TMEM64: variants seen among roughly 807,000 people sequenced by gnomAD.
TMEM64 encodes the protein transmembrane protein 64.
In TMEM64, 19 loss-of-function variants were observed where a neutral mutation model predicts 24.5. That is an observed-to-expected ratio of 0.78 (90% CI 0.54 to 1.14). The LOEUF (loss-of-function observed/expected upper bound fraction) is 1.14, where lower values mean the gene tolerates loss of function less well. Among genes scored for constraint, TMEM64 ranks in the 50% most tolerant of loss-of-function variants. TMEM64 has a pLI of 0.00. For synonymous variants in TMEM64, 262 were observed against 224.7 expected (o/e 1.17, Z -1.49); for missense variants, 487 against 493.0 (o/e 0.99, Z 0.12).
chr8:90,644,175 C>G (rs1410703506), intron 1 of TMEM64, among the ~76,000 whole-genome samples: 1 of 152,186 alleles, frequency 6.6e-6, no homozygotes, highest in Non-Finnish European at 1.5e-5. Flanking sequence ...TACATAAACT[C>G]TTGGTAGTTT....
Position 90,624,027 on chromosome 8 carries a change from A to T in TMEM64, c.*1644T>A, listed in dbSNP as rs1809318537. On this transcript the variant is annotated 3_prime_UTR_variant, in exon 3 of 3. Coordinates refer to ENST00000458549, the MANE Select transcript of TMEM64 (RefSeq NM_001008495.4). ...GTTTTCCTACTAATAGCAAGAAATG[A>T]GGATTTAGATGCCAATTATGTCCTG... The T allele has an allele frequency of 6.6e-6, 1 of 151,996 alleles. No individual in the cohort carries two copies. The highest frequency in any genetic ancestry group is 2.1e-4 in the South Asian group (1 of 4,828). 9.4% of individuals were successfully genotyped at this position (151,996 alleles called of 1,614,324 possible). A position where few individuals can be genotyped will look rare whatever the true frequency, so the allele number is the denominator to read the frequency against.
At chr8:90,629,414 C>T (rs1000565807) in intron 2 of TMEM64, among the ~76,000 whole-genome samples, 1 of 152,006 alleles carries the variant, frequency 6.6e-6, no homozygotes, top group South Asian at 2.1e-4. Context: ...AGTAAAAGTT[C>T]TCTCTAAGCT....
chr8:90,628,759 C>T (rs1344900665), intron 2 of TMEM64, among the ~76,000 whole-genome samples: 4 of 152,122 alleles, frequency 2.6e-5, no homozygotes, highest in East Asian at 1.9e-4. Context: ...GGCTCCAACC[C>T]GAAGTTTTTG....
At chr8:90,627,911 G>T (rs1809382061) in intron 2 of TMEM64, among the ~76,000 whole-genome samples, 1 of 152,134 alleles carries the variant, frequency 6.6e-6, no homozygotes, top group Non-Finnish European at 1.5e-5. Context: ...ATGAGAAATG[G>T]AAAGTACATC....
chr8:90,632,234 C>A (rs2130500235), intron 1 of TMEM64, among the ~76,000 whole-genome samples: 1 of 152,278 alleles, frequency 6.6e-6, no homozygotes, highest in Non-Finnish European at 1.5e-5. Context: ...GCAACCTCCA[C>A]CACCTGGGTT....
At position 90,636,735 on chromosome 8, in the gene TMEM64, A is replaced by C. The variant is rs114124045; in HGVS notation, c.796-5028T>G. Among the ~76,000 whole-genome samples the C allele has an allele frequency of 8.1e-3, 1,237 of 152,338 alleles. 25 individuals carry two copies. The highest frequency in any genetic ancestry group is 0.028 in the African/African-American group (1,181 of 41,558). ...TGTCTCCTTGTTCTACTTTGTAGAA[A>C]GACATTAAACATGAGCCTAGATCAA... On this transcript the variant is annotated intron_variant, in intron 1 of 2. Transcript: ENST00000458549.
chr8:90,637,873 T>G (rs1460814118), intron 1 of TMEM64, among the ~76,000 whole-genome samples: 1 of 152,186 alleles, frequency 6.6e-6, no homozygotes, highest in Non-Finnish European at 1.5e-5. Context: ...TAACTACCTA[T>G]TCTCTTTCCT....
chr8:90,631,013 T>C (rs373763587), intron 2 of TMEM64, among the ~76,000 whole-genome samples: 4 of 152,240 alleles, frequency 2.6e-5, no homozygotes, highest in African/African-American at 7.2e-5. Flanking sequence ...TAATCCATTA[T>C]ACAAGTCTTA....
At position 90,645,759 on chromosome 8, in the gene TMEM64, C is replaced by CCCGCGGGGAAGGCGGT; in HGVS notation, c.131_146dup (p.Gly50ProfsTer61). 1.9e-6 allele frequency: 2 copies of CCCGCGGGGAAGGCGGT among 1,062,648 alleles called. No homozygotes were observed. The highest frequency in any genetic ancestry group is 2.3e-6 in the Non-Finnish European group (2 of 882,374). The allele number at this position is 1,062,648 out of a possible 1,614,324, so 65.8% of individuals were successfully genotyped here. ...CTGCCGCCGCCGCGCTCGCCCCGCCCCCGCGGGGAAGGCGGTCCGCCGGGC... is the reference window on the plus strand; with the variant it reads ...CTGCCGCCGCCGCGCTCGCCCCGCCCCCGCGGGGAAGGCGGTCCGCGGGGAAGGCGGTCCGCCGGGC... On this transcript the variant is annotated frameshift_variant, in exon 1 of 3. Transcript: ENST00000458549. LOFTEE classifies it high-confidence loss of function. The surrounding 1 kb of genome is among the most constrained non-coding windows in gnomAD (Gnocchi z 4.2).
intron 2 of TMEM64, among the ~76,000 whole-genome samples, chr8:90,629,325 T>G (rs1241763435): frequency 6.6e-6 from 1 of 152,212 alleles, no homozygotes; most frequent in Non-Finnish European, 1.5e-5. Context: ...GAAGATTCTA[T>G]AGTTTAAAAA....
intron 1 of TMEM64, among the ~76,000 whole-genome samples, chr8:90,641,394 A>T (rs950316742): frequency 2.0e-5 from 3 of 152,232 alleles, no homozygotes; most frequent in Admixed American, 2.0e-4. Flanking sequence ...TAAAAATGGA[A>T]GAATCAATCT....
intron 2 of TMEM64, among the ~76,000 whole-genome samples, chr8:90,629,996 T>C (rs958013904): frequency 9.8e-5 from 15 of 152,306 alleles, no homozygotes; most frequent in African/African-American, 3.6e-4. Flanking sequence ...AAATTAAATT[T>C]GTAATACGGT....
rs993940129 is a variant in TMEM64, at chr8:90,624,323, A to G, written c.*1348T>C. The G allele has an allele frequency of 3.3e-5, 5 of 152,064 alleles. No individual in the cohort carries two copies. The highest frequency in any genetic ancestry group is 2.6e-4 in the Admixed American group (4 of 15,270). The allele number at this position is 152,064 out of a possible 1,614,324, so 9.4% of individuals were successfully genotyped here. Reference sequence around the variant, plus strand: ...TGAAAAGGCAAATGGGAGGTCTCTGATAAGTTGGAATCATCATAGCAAAAA... The same window carrying G: ...TGAAAAGGCAAATGGGAGGTCTCTGGTAAGTTGGAATCATCATAGCAAAAA... On this transcript the variant is annotated 3_prime_UTR_variant, in exon 3 of 3. Transcript: ENST00000458549.
chr8:90,626,781 C>G (rs1444630767), intron 2 of TMEM64, among the ~76,000 whole-genome samples: 2 of 152,008 alleles, frequency 1.3e-5, no homozygotes, highest in East Asian at 3.9e-4. Context: ...CATGCATGCG[C>G]CCCACGCCTG....
At chr8:90,640,441 C>T (rs533177015) in intron 1 of TMEM64, among the ~76,000 whole-genome samples, 1 of 152,256 alleles carries the variant, frequency 6.6e-6, no homozygotes, top group South Asian at 2.1e-4. Context: ...TAATGTTACA[C>T]TGTTGCTCAG....
chr8:90,624,141 T>G lies in TMEM64; in HGVS notation c.*1530A>C, dbSNP rs1809319889. 6.6e-6 allele frequency: 1 copy of G among 151,926 alleles called. No homozygotes were observed. Among genetic ancestry groups the G allele is most frequent in the Non-Finnish European group, 1.5e-5 (1 of 67,928 alleles). 9.4% of individuals were successfully genotyped at this position (151,926 alleles called of 1,614,324 possible). On this transcript the variant is annotated 3_prime_UTR_variant, in exon 3 of 3. Coordinates refer to ENST00000458549, the MANE Select transcript of TMEM64 (RefSeq NM_001008495.4). The stretch of plus-strand genomic sequence containing the variant: ...TACTGTTACTCAAAGGTGAGAAAAC[T>G]TACCCATTATAAAGGAAAGGAAAAC...
At chr8:90,642,154 T>C (rs1233493098) in intron 1 of TMEM64, among the ~76,000 whole-genome samples, 2 of 152,188 alleles carry the variant, frequency 1.3e-5, no homozygotes, top group Non-Finnish European at 2.9e-5. Flanking sequence ...CAAACAATAA[T>C]GACACTTAAC....
rs1809336263 is a variant in TMEM64, at chr8:90,625,089, G to A, written c.*582C>T. 6.6e-6 allele frequency: 1 copy of A among 152,542 alleles called. No individual in the cohort carries two copies. Among genetic ancestry groups the A allele is most frequent in the South Asian group, 2.1e-4 (1 of 4,822 alleles). 9.4% of individuals were successfully genotyped at this position (152,542 alleles called of 1,614,324 possible). ...TTAAGCTTTGTGAATAGGTGTAAAT[G>A]GCCCTGTAACAATATGATGCCTGCA... On this transcript the variant is annotated 3_prime_UTR_variant, in exon 3 of 3. Coordinates refer to ENST00000458549, the MANE Select transcript of TMEM64 (RefSeq NM_001008495.4).
In TMEM64 at chr8:90,623,415, G is replaced by A. The variant is rs1164098887; in HGVS notation, c.*2256C>T. The A allele has an allele frequency of 1.3e-5, 2 of 152,318 alleles. No individual in the cohort carries two copies. The highest frequency in any genetic ancestry group is 4.8e-5 in the African/African-American group (2 of 41,396). 9.4% of individuals were successfully genotyped at this position (152,318 alleles called of 1,614,324 possible). A position where few individuals can be genotyped will look rare whatever the true frequency, so the allele number is the denominator to read the frequency against. ...ATTGTGAGTGCAACTTAAAAACCCAGCAACCAAATTTACCCATCAAGTAGC... is the reference window on the plus strand; with the variant it reads ...ATTGTGAGTGCAACTTAAAAACCCAACAACCAAATTTACCCATCAAGTAGC... On this transcript the variant is annotated 3_prime_UTR_variant, in exon 3 of 3. Transcript: ENST00000458549.
Sources: allele counts gnomAD v4.1 joint callset (sites outside exome capture counted in the v4.1 genomes callset), GRCh38; gene constraint gnomAD v4.1.1; non-coding constraint Gnocchi (gnomAD v3.1); transcripts MANE v1.5; gene names NCBI Gene and HGNC (gene_info 2026-07-23, HGNC 2026-07-21).